LRMDA: variants seen among roughly 807,000 people sequenced by gnomAD.
LRMDA encodes leucine-rich melanocyte differentiation-associated protein.
LRMDA carries 18 observed loss-of-function variants against 29.8 expected under a neutral mutation model. The ratio of observed to expected loss-of-function variants is 0.60; its 90% CI spans 0.42 to 0.90. The LOEUF is 0.90. Ranked by LOEUF, LRMDA falls within the 40% of genes least tolerant of loss-of-function variation. The pLI is 0.00. For missense variants in LRMDA, 273 were observed against 273.9 expected, an observed-to-expected ratio of 1.00 and a Z score of 0.02; for synonymous variants, 125 against 109.4, an observed-to-expected ratio of 1.14 and a Z score of -0.89.
At chr10:76,165,282 G>GT (rs898731106) in intron 5 of LRMDA, among the ~76,000 whole-genome samples, 14 of 152,086 alleles carry the variant, frequency 9.2e-5, no homozygotes, top group Middle Eastern at 3.4e-3. Context: ...CAAAAAGAGA[G>GT]TTTTTTTTGA....
At chr10:76,538,594 A>C (rs1843318726) in intron 6 of LRMDA, among the ~76,000 whole-genome samples, 1 of 150,038 alleles carries the variant, frequency 6.7e-6, no homozygotes, top group Admixed American at 6.7e-5. Flanking sequence ...TATCCTGGGA[A>C]TCACTCTATA....
At chr10:75,915,501 G>T (rs1845918623) in intron 2 of LRMDA, among the ~76,000 whole-genome samples, 1 of 152,088 alleles carries the variant, frequency 6.6e-6, no homozygotes, top group Admixed American at 6.5e-5. Context: ...CAGCCTCCTA[G>T]AGTGCTGGGA....
intron 6 of LRMDA, among the ~76,000 whole-genome samples, chr10:76,494,501 T>A (rs1842863877): frequency 6.6e-6 from 1 of 151,860 alleles, no homozygotes; most frequent in Non-Finnish European, 1.5e-5. Context: ...ATTTATCTAT[T>A]TTCTTATTTT....
Position 76,047,242 on chromosome 10 carries a change from G to T in LRMDA, c.337G>T (p.Val113Leu), listed in dbSNP as rs550212826. Reference sequence around the variant, plus strand: ...GGAGTACCTCAGTCTGCTGGGCAACGTGGCCTGTCCCAACGAGCTGGTCAG... The same window carrying T: ...GGAGTACCTCAGTCTGCTGGGCAACTTGGCCTGTCCCAACGAGCTGGTCAG... ...ALEYLSLLGN[V>L]ACPNELVSLE... Residue 113 changes from valine (V) to leucine (L), a missense_variant, in exon 4 of 7, where the codon GTG (valine) becomes TTG (leucine). Coordinates refer to ENST00000611255, the MANE Select transcript of LRMDA (RefSeq NM_001305581.2). The T allele has an allele frequency of 1.9e-5, 30 of 1,614,058 alleles. No homozygotes were observed. The African/African-American group carries it at 4.0e-4, about 22-fold the overall frequency.
At chr10:76,483,645 G>C (rs997392021) in intron 6 of LRMDA, among the ~76,000 whole-genome samples, 2 of 151,436 alleles carry the variant, frequency 1.3e-5, no homozygotes, top group Non-Finnish European at 2.9e-5. Context: ...AATAGTTGAA[G>C]TGTGGCTTTA....
chr10:76,110,487 G>A (rs1327637356), intron 5 of LRMDA, among the ~76,000 whole-genome samples: 1 of 152,190 alleles, frequency 6.6e-6, no homozygotes, highest in African/African-American at 2.4e-5. Context: ...CACTGGCTTA[G>A]TCTTGCTTTT....
intron 6 of LRMDA, among the ~76,000 whole-genome samples, chr10:76,415,598 G>A (rs150837410): frequency 3.0e-5 from 4 of 133,482 alleles, no homozygotes; most frequent in South Asian, 2.6e-4. Flanking sequence ...TGGCTGGGGC[G>A]TGTATGTGTG....
At position 76,425,650 on chromosome 10, in the gene LRMDA, T is replaced by C. The variant is rs936707954; in HGVS notation, c.601+101165T>C. Among the ~76,000 whole-genome samples the C allele has an allele frequency of 3.3e-5, 5 of 152,060 alleles. 1 individual carries two copies. The highest frequency in any genetic ancestry group is 7.2e-5 in the African/African-American group (3 of 41,394). On this transcript the variant is annotated intron_variant, in intron 6 of 6. Coordinates refer to ENST00000611255, the MANE Select transcript of LRMDA (RefSeq NM_001305581.2). ...TAAGTTCTAGGGTACATGTGCACAA[T>C]GTTCAAGTTTGTTACATATGTATAC...
intron 2 of LRMDA, among the ~76,000 whole-genome samples, chr10:75,917,671 A>G (rs1311425347): frequency 1.3e-5 from 2 of 152,210 alleles, no homozygotes; most frequent in African/African-American, 4.8e-5. Flanking sequence ...CACTGGCCCC[A>G]GAATGGTGCA....
At chr10:76,105,931 G>C (rs1849473145) in intron 5 of LRMDA, among the ~76,000 whole-genome samples, 1 of 152,098 alleles carries the variant, frequency 6.6e-6, no homozygotes, top group African/African-American at 2.4e-5. Context: ...ATTTTTAGTA[G>C]AGACAGGGTT....
chr10:75,594,509 A>G (rs975361054), intron 2 of LRMDA, among the ~76,000 whole-genome samples: 2 of 152,242 alleles, frequency 1.3e-5, no homozygotes, highest in Non-Finnish European at 2.9e-5. Flanking sequence ...TTACACAAAT[A>G]TAAATACAAA....
In LRMDA at chr10:76,527,938, A is replaced by G. The variant is rs549484012; in HGVS notation, c.602-29271A>G. On this transcript the variant is annotated intron_variant, in intron 6 of 6. Transcript: ENST00000611255. ...ATACAAAAATGCATAAAACACAGTG[A>G]GAAACATGTGGTAATGAACACCATG... Among the ~76,000 whole-genome samples the G allele has an allele frequency of 3.3e-5, 5 of 152,314 alleles. No homozygotes were observed. In the South Asian group the frequency reaches 1.0e-3, roughly 32 times the overall value.
chr10:75,994,960 A>G (rs1564625594), intron 2 of LRMDA, among the ~76,000 whole-genome samples: 1 of 152,178 alleles, frequency 6.6e-6, no homozygotes, highest in Non-Finnish European at 1.5e-5. Flanking sequence ...AAGAGCAAAG[A>G]AATGAATGTG....
At chr10:76,203,456 A>C (rs915493340) in intron 5 of LRMDA, among the ~76,000 whole-genome samples, 2 of 152,220 alleles carry the variant, frequency 1.3e-5, no homozygotes, top group African/African-American at 2.4e-5. Flanking sequence ...GTATTTTTTA[A>C]TCTCTGTCAG....
chr10:75,735,896 A>C (rs561372181), intron 2 of LRMDA, among the ~76,000 whole-genome samples: 1 of 152,230 alleles, frequency 6.6e-6, no homozygotes, highest in East Asian at 1.9e-4. Flanking sequence ...GTTACTTATA[A>C]ATTTTTTTTA....
intron 5 of LRMDA, among the ~76,000 whole-genome samples, chr10:76,112,685 G>C (rs1157530394): frequency 3.4e-5 from 1 of 29,702 alleles, no homozygotes; most frequent in Non-Finnish European, 6.1e-5. Context: ...TACTGCACTA[G>C]GTAGGTCCGG....
chr10:75,618,376 CTCTCTCTATATATA>C (rs1345215929), intron 2 of LRMDA, among the ~76,000 whole-genome samples: 18 of 69,196 alleles, frequency 2.6e-4, no homozygotes, highest in East Asian at 7.8e-4. Context: ...CTCTCTCTCT[CTCTCTCTATATATA>C]TATATATATA....
At chr10:75,914,239 C>T (rs944403658) in intron 2 of LRMDA, among the ~76,000 whole-genome samples, 2 of 152,154 alleles carry the variant, frequency 1.3e-5, no homozygotes, top group African/African-American at 4.8e-5. Context: ...GTTGTTTTCC[C>T]CACTGTTATT....
At chr10:76,452,698 A>G (rs1298951256) in intron 6 of LRMDA, among the ~76,000 whole-genome samples, 1 of 152,180 alleles carries the variant, frequency 6.6e-6, no homozygotes, top group Non-Finnish European at 1.5e-5. Context: ...TTAAAGTGTT[A>G]TTGGAAGGCC....
Sources: allele counts gnomAD v4.1 joint callset (sites outside exome capture counted in the v4.1 genomes callset), GRCh38; gene constraint gnomAD v4.1.1; transcripts MANE v1.5; gene names NCBI Gene and HGNC (gene_info 2026-07-23, HGNC 2026-07-21).